GMDS: variants seen among roughly 807,000 people sequenced by gnomAD.
The protein encoded by GMDS is GDP-mannose 4,6 dehydratase.
Under a neutral mutation model 49.9 loss-of-function variants are expected in GMDS, and 20 were observed. That is an observed-to-expected ratio of 0.40 (90% CI 0.28 to 0.58). The LOEUF (loss-of-function observed/expected upper bound fraction) is 0.58. Among genes scored for constraint, GMDS ranks in the 20% least tolerant of loss-of-function variants. The probability of loss-of-function intolerance (pLI) is 0.42; values close to 1 mark genes in which losing one functional copy is unlikely to be tolerated. For synonymous variants in GMDS, 177 were observed against 178.6 expected, an observed-to-expected ratio of 0.99 and a Z score of 0.07; for missense variants, 362 against 481.4, an observed-to-expected ratio of 0.75 and a Z score of 2.32.
At chr6:2,189,693 T>C (rs1452175608) in intron 1 of GMDS, among the ~76,000 whole-genome samples, 1 of 152,208 alleles carries the variant, frequency 6.6e-6, no homozygotes, top group Non-Finnish European at 1.5e-5. Context: ...GTGAAACTAG[T>C]ACACTGCTCT....
intron 1 of GMDS, among the ~76,000 whole-genome samples, chr6:2,145,538 AAAAT>A (rs36139025): frequency 0.58 from 86,097 of 148,268 alleles, 26,134 homozygotes; most frequent in East Asian, 0.81. Flanking sequence ...ACTCTGTCTC[AAAAT>A]AAATAAATAA....
At position 1,697,025 on chromosome 6, in the gene GMDS, T is replaced by C. The variant is rs531724028; in HGVS notation, c.987+29391A>G. Among the ~76,000 whole-genome samples the C allele has an allele frequency of 3.3e-5, 5 of 152,336 alleles. 1 individual carries two copies. In the East Asian group the frequency reaches 5.8e-4, roughly 18 times the overall value. On this transcript the variant is annotated intron_variant, in intron 9 of 10. Coordinates refer to ENST00000380815, the MANE Select transcript of GMDS (RefSeq NM_001500.4). ...AGTGAGAAGAAAACAGGCTGGTACA[T>C]GGATGATGCAGAGAAGTATGTCTGT...
At chr6:1,837,581 T>C (rs1432747342) in intron 7 of GMDS, among the ~76,000 whole-genome samples, 18 of 152,090 alleles carry the variant, frequency 1.2e-4, no homozygotes, top group Admixed American at 1.2e-3. Context: ...GCTTGCCTAG[T>C]AAAGGAAGTT....
At chr6:2,012,860 A>G (rs956875936) in intron 4 of GMDS, among the ~76,000 whole-genome samples, 1 of 152,136 alleles carries the variant, frequency 6.6e-6, no homozygotes, top group Non-Finnish European at 1.5e-5. Context: ...TACGGTGAAC[A>G]TCAGAGAAAA....
intron 7 of GMDS, among the ~76,000 whole-genome samples, chr6:1,903,751 T>C (rs1330026058): frequency 2.0e-5 from 3 of 151,602 alleles, no homozygotes; most frequent in South Asian, 2.1e-4. Flanking sequence ...CCAAACTAGA[T>C]AAAGTTCACT....
At chr6:1,806,649 T>C (rs533292874) in intron 7 of GMDS, among the ~76,000 whole-genome samples, 2 of 152,370 alleles carry the variant, frequency 1.3e-5, no homozygotes, top group South Asian at 4.1e-4. Flanking sequence ...TAGATTTGAA[T>C]TTGTCTAGGT....
At chr6:1,847,216 T>C (rs1327459412) in intron 7 of GMDS, among the ~76,000 whole-genome samples, 3 of 151,920 alleles carry the variant, frequency 2.0e-5, no homozygotes, top group Non-Finnish European at 4.4e-5. Context: ...CCACCACGCC[T>C]GGCTAATTTT....
chr6:1,787,315 T>C (rs1769364528), intron 7 of GMDS, among the ~76,000 whole-genome samples: 1 of 152,216 alleles, frequency 6.6e-6, no homozygotes, highest in Non-Finnish European at 1.5e-5. Flanking sequence ...ATTCAGGTAC[T>C]GTACCTCCAA....
In GMDS at chr6:1,741,508, T is replaced by A. The variant is rs550614835; in HGVS notation, c.890+960A>T. Among the ~76,000 whole-genome samples the A allele has an allele frequency of 2.0e-5, 3 of 152,212 alleles. No homozygotes were observed. The East Asian group carries it at 5.8e-4, about 29-fold the overall frequency. On this transcript the variant is annotated intron_variant, in intron 8 of 10. Coordinates refer to ENST00000380815, the MANE Select transcript of GMDS (RefSeq NM_001500.4). ...TGGAAAATTTTCCAAATTTCTTTCA[T>A]CTTTCTTTTAAGATGTTTTTGGCCA... is the stretch of plus-strand genomic sequence containing the variant.
At chr6:1,723,498 TTGTA>T in intron 9 of GMDS, among the ~76,000 whole-genome samples, 1 of 152,000 alleles carries the variant, frequency 6.6e-6, no homozygotes, top group Admixed American at 6.6e-5. Context: ...GGCTAATTTT[TTGTA>T]TCTTTTTTAG....
Position 2,051,884 on chromosome 6 carries a change from C to T in GMDS, c.345+63887G>A, listed in dbSNP as rs533459541. ...CTGTAATGCCAGCACTTTGGGAGGC[C>T]TAGGCGGGCAGATCACGAGGTCAGG... On this transcript the variant is annotated intron_variant, in intron 4 of 10. Coordinates refer to ENST00000380815, the MANE Select transcript of GMDS (RefSeq NM_001500.4). Among the ~76,000 whole-genome samples the T allele has an allele frequency of 4.5e-4, 68 of 152,076 alleles. No homozygotes were observed. The East Asian group carries it at 0.012, about 27-fold the overall frequency.
intron 4 of GMDS, among the ~76,000 whole-genome samples, chr6:1,976,200 G>A (rs199957824): frequency 3.1e-5 from 2 of 64,392 alleles, no homozygotes; most frequent in African/African-American, 9.3e-5. Flanking sequence ...TATACTCTTT[G>A]TTTAAGTCTG....
chr6:2,244,001 T>G (rs553085068), intron 1 of GMDS, among the ~76,000 whole-genome samples: 1 of 151,842 alleles, frequency 6.6e-6, no homozygotes, highest in Non-Finnish European at 1.5e-5. Flanking sequence ...TAGCTAGCAC[T>G]ACAGGTGAGC....
At chr6:1,937,984 T>C (rs1424722869) in intron 6 of GMDS, among the ~76,000 whole-genome samples, 1 of 151,856 alleles carries the variant, frequency 6.6e-6, no homozygotes, top group Non-Finnish European at 1.5e-5. Flanking sequence ...CTGGGCAACA[T>C]AGCAAGACCC....
rs567690722 is a variant in GMDS at position 1,966,689 on chromosome 6, C to T, written c.346-5723G>A. Reference sequence around the variant, plus strand: ...ACCTCCAGGGCACCTCTTGGAGCAACAGCCTCTCATATGTTCACATGTCAC... The same window carrying T: ...ACCTCCAGGGCACCTCTTGGAGCAATAGCCTCTCATATGTTCACATGTCAC... On this transcript the variant is annotated intron_variant, in intron 4 of 10. Transcript: ENST00000380815. Among the ~76,000 whole-genome samples, 343 of 152,304 alleles carry T rather than the reference C, an allele frequency of 2.3e-3. 4 individuals are homozygous for T. The highest frequency in any genetic ancestry group is 5.7e-4 in the Non-Finnish European group (39 of 68,020).
chr6:1,723,519 C>T (rs575650796), intron 9 of GMDS, among the ~76,000 whole-genome samples: 4 of 151,492 alleles, frequency 2.6e-5, no homozygotes, highest in African/African-American at 4.9e-5. Flanking sequence ...TTAGTAGAGA[C>T]GGGGTTTCAC....
intron 9 of GMDS, among the ~76,000 whole-genome samples, chr6:1,652,713 T>G (rs113124156): frequency 0.13 from 2,838 of 21,424 alleles, 1,118 homozygotes; most frequent in Middle Eastern, 0.2. Flanking sequence ...TATATATATA[T>G]ATATATAGAG....
intron 1 of GMDS, among the ~76,000 whole-genome samples, chr6:2,233,551 G>A (rs1432390578): frequency 6.6e-6 from 1 of 152,220 alleles, no homozygotes; most frequent in Non-Finnish European, 1.5e-5. Context: ...TTGCCGTGGT[G>A]GCTTACACCT....
chr6:1,965,423 A>T (rs1764209234), intron 4 of GMDS, among the ~76,000 whole-genome samples: 1 of 152,242 alleles, frequency 6.6e-6, no homozygotes, highest in African/African-American at 2.4e-5. Flanking sequence ...TAGCTGATAA[A>T]ATCTAATTGG....
Sources: gnomAD v4.1 joint callset for allele counts (sites outside exome capture counted in the v4.1 genomes callset) on GRCh38, gnomAD v4.1.1 for gene constraint, MANE v1.5 for transcripts, NCBI Gene and HGNC (gene_info 2026-07-23, HGNC 2026-07-21) for gene names.